Variants in TTC32 observed in about 807,000 individuals in gnomAD.
The protein encoded by TTC32 is tetratricopeptide repeat domain 32.
Under a neutral mutation model 15.3 loss-of-function variants are expected in TTC32, and 16 were observed. The ratio of observed to expected loss-of-function variants is 1.05; its 90% CI spans 0.71 to 1.59. TTC32 has a LOEUF of 1.59. TTC32 is among the 40% of genes most tolerant of loss of function. TTC32 has a pLI of 0.00. For synonymous variants in TTC32, 89 were observed against 67.8 expected, an observed-to-expected ratio of 1.31 and a Z score of -1.53; for missense variants, 188 against 181.9, an observed-to-expected ratio of 1.03 and a Z score of -0.19.
At chr2:19,897,663 A>G (rs1406940893) in intron 2 of TTC32, among the ~76,000 whole-genome samples, 1 of 152,192 alleles carries the variant, frequency 6.6e-6, no homozygotes, top group Non-Finnish European at 1.5e-5. Context: ...CCCAGGTCCA[A>G]TTCCCACCCC....
rs1163743191 is a variant in TTC32, at chr2:19,896,681, CA to C, written c.*305del. Reference sequence around the variant, plus strand: ...ACTTTCAACTTTTCTGCAGATGTAACATTTTTTAAATAAAAAGTTGAGAATA... The same window carrying C: ...ACTTTCAACTTTTCTGCAGATGTAACTTTTTTAAATAAAAAGTTGAGAATA... On this transcript the variant is annotated 3_prime_UTR_variant, in exon 3 of 3. Coordinates refer to ENST00000333610, the MANE Select transcript of TTC32 (RefSeq NM_001008237.3). 6.5e-6 allele frequency: 1 copy of C among 153,498 alleles called. No individual in the cohort carries two copies. Among genetic ancestry groups the C allele is most frequent in the Non-Finnish European group, 1.4e-5 (1 of 68,966 alleles). 9.5% of individuals were successfully genotyped at this position (153,498 alleles called of 1,614,324 possible).
rs1362138103 is a variant in TTC32, at chr2:19,897,741, C to T, written c.316+128G>A. 5.2e-6 allele frequency: 4 copies of T among 766,040 alleles called. No homozygotes were observed. In the African/African-American group the frequency reaches 7.0e-5, roughly 13 times the overall value. 47.5% of individuals were successfully genotyped at this position (766,040 alleles called of 1,614,324 possible). The stretch of plus-strand genomic sequence containing the variant: ...TAAACTCAGGGACACTTCCTTTGTT[C>T]CAAGCTCTAAACCTAAATTTCACAG... On this transcript the variant is annotated intron_variant, in intron 2 of 2. Transcript: ENST00000333610.
chr2:19,901,706 C>T lies in TTC32; in HGVS notation c.149G>A (p.Ser50Asn), dbSNP rs754189636. 6.2e-7 allele frequency: 1 copy of T among 1,610,552 alleles called. No homozygotes were observed. Among genetic ancestry groups the T allele is most frequent in the Non-Finnish European group, 8.5e-7 (1 of 1,177,374 alleles). ...CGGCCCCAGGTCTCGCGATAGTTACCTCCCGGGACTCTCGTCGCTGGAGGC... is the reference window on the plus strand; with the variant it reads ...CGGCCCCAGGTCTCGCGATAGTTACTTCCCGGGACTCTCGTCGCTGGAGGC... ...CAASSDESPGSKCSPEDLATA... is the reference protein window; with the variant it reads ...CAASSDESPGNKCSPEDLATA... Residue 50 changes from serine (S) to asparagine (N), a missense_variant and splice_region_variant, in exon 1 of 3, where the codon AGC (serine) becomes AAC (asparagine). By Grantham distance (46) the Ser-to-Asn change is conservative. Coordinates refer to ENST00000333610, the MANE Select transcript of TTC32 (RefSeq NM_001008237.3).
chr2:19,897,255 G>C (rs1445444658), intron 2 of TTC32, 129 bp from the exon 3 acceptor site: 3 of 901,338 alleles, frequency 3.3e-6, no homozygotes, highest in East Asian at 3.0e-5. Context: ...TCTAGTAAAG[G>C]AATCTTTTTA....
chr2:19,899,407 A>T (rs1238861385), intron 1 of TTC32, among the ~76,000 whole-genome samples: 1 of 152,200 alleles, frequency 6.6e-6, no homozygotes, highest in Non-Finnish European at 1.5e-5. Context: ...AATTATTGTT[A>T]TAAGTTTTTA....
chr2:19,898,146 C>T, intron 1 of TTC32, 111 bp from the exon 2 acceptor site: 1 of 984,834 alleles, frequency 1.0e-6, no homozygotes, highest in Admixed American at 2.8e-5. Flanking sequence ...CATGCAGCAT[C>T]AACACTGAAA....
intron 2 of TTC32, 72 bp from the exon 3 acceptor site, chr2:19,897,198 T>G: frequency 1.4e-6 from 2 of 1,469,756 alleles, no homozygotes; most frequent in Non-Finnish European, 1.8e-6. Flanking sequence ...ATGGAAAAGC[T>G]TTGATACATG....
intron 1 of TTC32, among the ~76,000 whole-genome samples, chr2:19,900,105 T>C (rs1669576527): frequency 1.3e-5 from 2 of 152,228 alleles, no homozygotes; most frequent in African/African-American, 4.8e-5. Context: ...TGGTAAGGCA[T>C]AGCTATTATA....
At chr2:19,898,372 A>C (rs907408216) in intron 1 of TTC32, 3 of 184,732 alleles carry the variant, frequency 1.6e-5, no homozygotes, top group Non-Finnish European at 3.3e-5. Context: ...AAGACAGAAC[A>C]GATAAATACT....
chr2:19,899,358 G>A (rs1343756349), intron 1 of TTC32, among the ~76,000 whole-genome samples: 1 of 152,096 alleles, frequency 6.6e-6, no homozygotes, highest in African/African-American at 2.4e-5. Context: ...GCAATCTCAG[G>A]ATGCCAGTAA....
intron 1 of TTC32, 93 bp from the exon 2 acceptor site, chr2:19,898,128 G>A: frequency 8.7e-7 from 1 of 1,145,756 alleles, no homozygotes; most frequent in South Asian, 2.0e-5. Context: ...AAACTTCACA[G>A]CCTATAACAT....
chr2:19,901,277 T>TG (rs1328132900), intron 1 of TTC32: 4 of 323,488 alleles, frequency 1.2e-5, no homozygotes, highest in African/African-American at 6.7e-5. Flanking sequence ...CGCGGTACTG[T>TG]GGCCCTACGC....
chr2:19,897,533 T>C (rs1469441501), intron 2 of TTC32, among the ~76,000 whole-genome samples: 1 of 152,228 alleles, frequency 6.6e-6, no homozygotes, highest in Non-Finnish European at 1.5e-5. Flanking sequence ...CTTTCTATTG[T>C]CTTGTGTGTC....
chr2:19,900,896 C>T (rs1037290159), intron 1 of TTC32: 1 of 318,842 alleles, frequency 3.1e-6, no homozygotes, highest in Non-Finnish European at 6.5e-6. Context: ...AAGTCCAAAA[C>T]ACGGAAATTC....
Position 19,897,970 on chromosome 2 carries a change from A to G in TTC32, c.215T>C (p.Val72Ala), listed in dbSNP as rs2103366523. 1.2e-6 allele frequency: 2 copies of G among 1,611,086 alleles called. No individual in the cohort carries two copies. The highest frequency in any genetic ancestry group is 1.7e-6 in the Non-Finnish European group (2 of 1,177,738). The change falls in exon 2 of 3, where the codon GTT (valine) becomes GCT (alanine). Residue 72 changes from valine (V) to alanine (A), a missense_variant. Transcript: ENST00000333610. ...NNRGQIKYFR[V>A]DFYEAMDDYT... ...GTCATCCATGGCTTCATAAAAATCA[A>G]CCCTGAAGTACTTGATTTGCCCCCT...
chr2:19,897,454 TTTTC>T (rs1669529274), intron 2 of TTC32, among the ~76,000 whole-genome samples: 1 of 152,234 alleles, frequency 6.6e-6, no homozygotes, highest in Non-Finnish European at 1.5e-5. Flanking sequence ...CGGGAACTAA[TTTTC>T]TTTTTGACAC....
At chr2:19,899,328 T>C (rs1401440054) in intron 1 of TTC32, among the ~76,000 whole-genome samples, 1 of 152,190 alleles carries the variant, frequency 6.6e-6, no homozygotes, top group African/African-American at 2.4e-5. Flanking sequence ...CTGCTCCCAG[T>C]AGAGAGTTTA....
rs775892556 is a variant in TTC32 at position 19,897,082 on chromosome 2, A to G, written c.361T>C (p.Leu121=). The G allele has an allele frequency of 6.2e-7, 1 of 1,608,182 alleles. No individual in the cohort carries two copies. The highest frequency in any genetic ancestry group is 8.5e-7 in the Non-Finnish European group (1 of 1,177,832). ...ALEDFKKVLD[L]NPGFQDATLS... is the part of the protein sequence containing the mutation. The stretch of plus-strand genomic sequence containing the variant: ...GTAGCATCTTGAAATCCAGGATTTA[A>G]GTCTAAGACCTTCTTGAAATCTTCC... The change falls in exon 3 of 3, where the codon TTA becomes CTA. Residue 121 remains leucine (L), a synonymous_variant. Transcript: ENST00000333610.
intron 1 of TTC32, chr2:19,898,270 A>G (rs1044123352): frequency 2.7e-6 from 1 of 374,222 alleles, no homozygotes; most frequent in African/African-American, 2.0e-5. Flanking sequence ...AAAGCATACT[A>G]ACTTTACAGT....
Sources: gnomAD v4.1 joint callset for allele counts (sites outside exome capture counted in the v4.1 genomes callset) on GRCh38, gnomAD v4.1.1 for gene constraint, MANE v1.5 for transcripts, NCBI Gene and HGNC (gene_info 2026-07-23, HGNC 2026-07-21) for gene names.